Variants in C19orf38 observed in about 807,000 individuals in gnomAD.
C19orf38 encodes the protein protein HIDE1.
Under a neutral mutation model 26.6 loss-of-function variants are expected in C19orf38, and 14 were observed. The observed-to-expected ratio is 0.53, with a 90% CI of 0.35 to 0.82. The LOEUF is 0.82. Ranked by LOEUF, C19orf38 falls within the 40% of genes least tolerant of loss-of-function variation. The pLI, the probability that C19orf38 is intolerant of heterozygous loss-of-function variation, is 0.01. For synonymous variants in C19orf38, 132 were observed against 128.5 expected (o/e 1.03, Z -0.18); for missense variants, 261 against 299.5 (o/e 0.87, Z 0.95).
At chr19:10,866,129 C>G (rs1457963167) in intron 6 of C19orf38, among the ~76,000 whole-genome samples, 1 of 151,790 alleles carries the variant, frequency 6.6e-6, no homozygotes, top group African/African-American at 2.4e-5. Context: ...ACCTCCCCCC[C>G]TGGGTTCAAG....
At chr19:10,855,384 C>T (rs538005535) in intron 2 of C19orf38, among the ~76,000 whole-genome samples, 2 of 152,070 alleles carry the variant, frequency 1.3e-5, no homozygotes, top group Non-Finnish European at 2.9e-5. Flanking sequence ...GTCACCCAGG[C>T]TGGAGTGCAG....
Position 10,857,742 on chromosome 19 carries a change from G to A in C19orf38, c.434-574G>A, listed in dbSNP as rs369640716. 4.6e-5 allele frequency among the ~76,000 whole-genome samples: 7 copies of A among 151,492 alleles called. No homozygotes were observed. In the South Asian group the frequency reaches 1.2e-3, roughly 27 times the overall value. ...ATGAAAACACAAAAATTAGCCGGGC[G>A]TGGTGGTGTGCACCTGTAGTCCCAG... On this transcript the variant is annotated intron_variant, in intron 3 of 6. Transcript: ENST00000397820.
At chr19:10,849,298 G>T (rs1658257220) in intron 1 of C19orf38, among the ~76,000 whole-genome samples, 1 of 152,126 alleles carries the variant, frequency 6.6e-6, no homozygotes, top group African/African-American at 2.4e-5. Flanking sequence ...TGGGATTACA[G>T]GCGTGAGCCA....
intron 2 of C19orf38, among the ~76,000 whole-genome samples, chr19:10,851,994 A>T (rs2073578164): frequency 6.7e-6 from 1 of 150,156 alleles, no homozygotes; most frequent in Admixed American, 6.6e-5. Flanking sequence ...AAAAAAAAAA[A>T]TACAAAAAAT....
intron 4 of C19orf38, 78 bp from the exon 5 acceptor site, chr19:10,859,837 C>T (rs1016768064): frequency 1.5e-6 from 2 of 1,369,414 alleles, no homozygotes; most frequent in African/African-American, 2.9e-5. Flanking sequence ...TGGTTTGGGG[C>T]CAGGGCTTTC....
At position 10,858,344 on chromosome 19, in the gene C19orf38, G is replaced by T. The variant is rs1314910896; in HGVS notation, c.461+1G>T. On this transcript the variant is annotated splice_donor_variant, in intron 4 of 6. Transcript: ENST00000397820. LOFTEE classifies it high-confidence loss of function. ...AACTCAGAAATTTACAGAAGAAAAG[G>T]TGAGATCATCCCTGGAGACCCACAG... The T allele has an allele frequency of 3.9e-6, 6 of 1,547,264 alleles. No individual in the cohort carries two copies.
intron 2 of C19orf38, among the ~76,000 whole-genome samples, chr19:10,853,615 A>G (rs2073595124): frequency 7.7e-6 from 1 of 129,916 alleles, no homozygotes; most frequent in Non-Finnish European, 1.6e-5. Context: ...TTTTTGAGAC[A>G]GTCTCGGTCT....
intron 2 of C19orf38, among the ~76,000 whole-genome samples, 179 bp downstream of exon 2, chr19:10,850,746 C>T (rs1027102532): frequency 2.0e-5 from 3 of 152,300 alleles, no homozygotes; most frequent in East Asian, 3.9e-4. Flanking sequence ...TGTTGGTTCA[C>T]TGAGCTTAAG....
At chr19:10,853,047 CA>C (rs530349055) in intron 2 of C19orf38, among the ~76,000 whole-genome samples, 923 of 84,484 alleles carry the variant, frequency 0.011, 3 homozygotes, top group African/African-American at 0.025. Context: ...CCTGTCTCTA[CA>C]AAAAAAAAAA....
chr19:10,844,891 C>T (rs974334458), upstream of C19orf38, among the ~76,000 whole-genome samples: 3 of 148,716 alleles, frequency 2.0e-5, no homozygotes, highest in Admixed American at 6.8e-5. Context: ...GTGGTGGTGG[C>T]TTACGCCTGT....
chr19:10,861,521 C>T (rs139598244), intron 5 of C19orf38, among the ~76,000 whole-genome samples: 4 of 152,316 alleles, frequency 2.6e-5, no homozygotes, highest in African/African-American at 4.8e-5. Context: ...GGGAAACAGC[C>T]CGTGATGGCA....
chr19:10,863,926 A>G (rs1428435610), intron 6 of C19orf38, among the ~76,000 whole-genome samples: 1 of 152,160 alleles, frequency 6.6e-6, no homozygotes, highest in Non-Finnish European at 1.5e-5. Context: ...ACAAACAAAC[A>G]GATAAAAATG....
chr19:10,863,271 G>A, intron 6 of C19orf38, 64 bp downstream of exon 6: 1 of 1,503,874 alleles, frequency 6.6e-7, no homozygotes, highest in Non-Finnish European at 9.1e-7. Flanking sequence ...AACGGGGCGG[G>A]CTCAAGGGGC....
At chr19:10,869,067 G>A (rs934456529) in intron 6 of C19orf38, 151 bp from the exon 7 acceptor site, 32 of 970,214 alleles carry the variant, frequency 3.3e-5, no homozygotes, top group Admixed American at 5.3e-5. Flanking sequence ...GAAGGCAGGA[G>A]AAGGGAAGAC....
At chr19:10,846,014 A>G (rs2073513194), upstream of C19orf38, among the ~76,000 whole-genome samples, 1 of 149,844 alleles carries the variant, frequency 6.7e-6, no homozygotes, top group Admixed American at 6.7e-5. Flanking sequence ...CCCTGTCTCT[A>G]CAATTTTTTT....
At position 10,863,227 on chromosome 19, in the gene C19orf38, G is replaced by C; in HGVS notation, c.543+20G>C. 2 of 1,549,950 alleles carry C rather than the reference G, an allele frequency of 1.3e-6. No individual in the cohort carries two copies. The highest frequency in any genetic ancestry group is 1.7e-6 in the Non-Finnish European group (2 of 1,145,564). On this transcript the variant is annotated intron_variant, in intron 6 of 6. Transcript: ENST00000397820. ...TCCGCGGTGAGTGGTTCTTTTTCTT[G>C]GAACCGGTTTTCTGCTGACCGTCCT...
At chr19:10,858,364 C>G in intron 4 of C19orf38, 21 bp downstream of exon 4, 1 of 1,543,592 alleles carries the variant, frequency 6.5e-7, no homozygotes, top group Non-Finnish European at 8.8e-7. Context: ...CCCTGGAGAC[C>G]CACAGAGGGT....
At chr19:10,837,528 A>T (rs1319456695) in intron 1 of C19orf38, among the ~76,000 whole-genome samples, 2 of 83,380 alleles carry the variant, frequency 2.4e-5, no homozygotes, top group African/African-American at 5.0e-5. Context: ...TTTTTTTGAG[A>T]CAGAGTCTCC....
intron 4 of C19orf38, among the ~76,000 whole-genome samples, chr19:10,859,290 G>GTGTGTGTA (rs1555721420): frequency 1.1e-4 from 15 of 131,500 alleles, no homozygotes; most frequent in African/African-American, 4.3e-4. Flanking sequence ...ATGTGTGTGT[G>GTGTGTGTA]TATATGTGTG....
Sources: allele counts gnomAD v4.1 joint callset (sites outside exome capture counted in the v4.1 genomes callset), GRCh38; gene constraint gnomAD v4.1.1; transcripts MANE v1.5; gene names NCBI Gene and HGNC (gene_info 2026-07-23, HGNC 2026-07-21).